The following GALNT11 variants were observed in gnomAD, a reference collection of about 807,000 sequenced individuals.
GALNT11 encodes polypeptide N-acetylgalactosaminyltransferase 11.
A neutral mutation model predicts 72.7 loss-of-function variants in GALNT11; 47 were observed. The observed-to-expected ratio is 0.65, with a 90% CI of 0.51 to 0.82. The LOEUF (loss-of-function observed/expected upper bound fraction) is 0.82. Among genes scored for constraint, GALNT11 ranks in the 40% least tolerant of loss-of-function variants. GALNT11 has a pLI of 0.00. For synonymous variants in GALNT11, 270 were observed against 286.6 expected (o/e 0.94, Z 0.58); for missense variants, 677 against 778.4 (o/e 0.87, Z 1.55).
At chr7:152,032,107 A>G (rs540406078) in intron 1 of GALNT11, among the ~76,000 whole-genome samples, 19 of 152,320 alleles carry the variant, frequency 1.2e-4, no homozygotes, top group African/African-American at 4.6e-4. Flanking sequence ...AGAGATCTAG[A>G]GTAGCCTGCT....
chr7:152,050,425 A>G (rs561484521), intron 1 of GALNT11, among the ~76,000 whole-genome samples: 2 of 152,322 alleles, frequency 1.3e-5, no homozygotes, highest in African/African-American at 4.8e-5. Context: ...TTTGGTGTCC[A>G]GGGTCTGGAA....
rs1322432298 is a variant in GALNT11 at position 152,103,095 on chromosome 7, C to G, written c.420-17C>G. 6.3e-7 allele frequency: 1 copy of G among 1,584,114 alleles called. No individual in the cohort carries two copies. The highest frequency in any genetic ancestry group is 1.7e-5 in the Admixed American group (1 of 59,474). On this transcript the variant is annotated splice_polypyrimidine_tract_variant and intron_variant, in intron 3 of 11. Coordinates refer to ENST00000430044, the MANE Select transcript of GALNT11 (RefSeq NM_022087.4). Reference sequence around the variant, plus strand: ...GCCTTTTAAAATGTCAGAATTTCCTCATCTTTATCTTTACAGATGTAAAGA... The same window carrying G: ...GCCTTTTAAAATGTCAGAATTTCCTGATCTTTATCTTTACAGATGTAAAGA...
At chr7:152,033,701 GT>G (rs1449866880) in intron 1 of GALNT11, among the ~76,000 whole-genome samples, 2 of 152,102 alleles carry the variant, frequency 1.3e-5, no homozygotes, top group Non-Finnish European at 2.9e-5. Flanking sequence ...ATTCTCCTTA[GT>G]CCTTCTAGAA....
chr7:152,045,690 C>A (rs1000376882), intron 1 of GALNT11, among the ~76,000 whole-genome samples: 1 of 151,618 alleles, frequency 6.6e-6, no homozygotes, highest in Non-Finnish European at 1.5e-5. Context: ...CATAGTCTGG[C>A]TAGTGGTTTG....
chr7:152,061,454 G>T (rs1230013509), intron 1 of GALNT11, among the ~76,000 whole-genome samples: 1 of 152,002 alleles, frequency 6.6e-6, no homozygotes, highest in East Asian at 1.9e-4. Context: ...AGTTTCTTTT[G>T]CTGTGCAGAA....
intron 1 of GALNT11, among the ~76,000 whole-genome samples, chr7:152,047,346 C>A (rs565903092): frequency 6.6e-6 from 1 of 152,230 alleles, no homozygotes; most frequent in African/African-American, 2.4e-5. Context: ...TGCCTGTAAT[C>A]CCAGCTACTT....
intron 1 of GALNT11, among the ~76,000 whole-genome samples, chr7:152,080,254 A>G (rs528761810): frequency 2.0e-5 from 3 of 152,330 alleles, no homozygotes; most frequent in Admixed American, 6.5e-5. Context: ...GCTTGTGGCT[A>G]TGGAAATCCC....
chr7:152,099,375 T>A (rs1282154070), intron 2 of GALNT11, among the ~76,000 whole-genome samples: 1 of 146,708 alleles, frequency 6.8e-6, no homozygotes. Context: ...TATTTATTTA[T>A]TTATTTATTT....
intron 1 of GALNT11, chr7:152,074,937 T>C (rs2084866266): frequency 6.6e-6 from 1 of 152,136 alleles, no homozygotes; most frequent in South Asian, 2.1e-4. Flanking sequence ...CTAGCAAAGT[T>C]TTTTTCCCCT....
chr7:152,040,231 A>T (rs536199240), intron 1 of GALNT11, among the ~76,000 whole-genome samples: 1 of 151,844 alleles, frequency 6.6e-6, no homozygotes, highest in Non-Finnish European at 1.5e-5. Flanking sequence ...CCTGATTGGC[A>T]TGTAGCCCAG....
At chr7:152,058,241 G>A (rs2083798750) in intron 1 of GALNT11, among the ~76,000 whole-genome samples, 1 of 152,200 alleles carries the variant, frequency 6.6e-6, no homozygotes, top group Non-Finnish European at 1.5e-5. Flanking sequence ...AGCCTTCAGT[G>A]AGTGGTAATC....
intron 1 of GALNT11, among the ~76,000 whole-genome samples, chr7:152,082,322 G>A: frequency 6.6e-6 from 1 of 152,194 alleles, no homozygotes; most frequent in East Asian, 1.9e-4. Context: ...CCGAACAAAG[G>A]AGACAGGGTC....
At chr7:152,100,265 A>C (rs867474426) in intron 2 of GALNT11, among the ~76,000 whole-genome samples, 1 of 151,688 alleles carries the variant, frequency 6.6e-6, no homozygotes, top group African/African-American at 2.4e-5. Context: ...ATAATAAACT[A>C]TTCTTAAGAT....
At chr7:152,100,531 A>C (rs1236786317) in intron 2 of GALNT11, among the ~76,000 whole-genome samples, 22 of 151,102 alleles carry the variant, frequency 1.5e-4, no homozygotes, top group Non-Finnish European at 7.4e-5. Flanking sequence ...GTGCCACTGC[A>C]CTCCAGCCTG....
intron 1 of GALNT11, among the ~76,000 whole-genome samples, chr7:152,064,201 TA>T (rs769467784): frequency 8.5e-5 from 13 of 152,222 alleles, no homozygotes; most frequent in Non-Finnish European, 1.8e-4. Context: ...TTGATCCCTT[TA>T]CCGTTATGTG....
At chr7:152,097,235 A>G (rs189575150) in intron 2 of GALNT11, among the ~76,000 whole-genome samples, 1 of 152,342 alleles carries the variant, frequency 6.6e-6, no homozygotes, top group East Asian at 1.9e-4. Flanking sequence ...ATGGCCAACA[A>G]GCAGATGAAA....
At position 152,118,777 on chromosome 7, in the gene GALNT11, A is replaced by C. The variant is rs2129076215; in HGVS notation, c.1552A>C (p.Asn518His). The C allele has an allele frequency of 6.2e-7, 1 of 1,602,744 alleles. No individual in the cohort carries two copies. Among genetic ancestry groups the C allele is most frequent in the Non-Finnish European group, 8.5e-7 (1 of 1,176,902 alleles). ...VLKACDYSDP[N>H]QIWIYNEEHE... is the part of the protein sequence containing the mutation. ...TAAGGCCTGTGACTACAGTGACCCA[A>C]ATCAGGTGAGTGACACCTCGGGGCT... The change falls in exon 10 of 12, where the codon AAT (asparagine) becomes CAT (histidine). Residue 518 changes from asparagine to histidine, a missense_variant. By Grantham distance (68) the Asn-to-His change is moderately conservative (BLOSUM62 1). Coordinates refer to ENST00000430044, the MANE Select transcript of GALNT11 (RefSeq NM_022087.4).
intron 1 of GALNT11, among the ~76,000 whole-genome samples, chr7:152,055,076 G>A (rs980562082): frequency 4.6e-5 from 7 of 152,190 alleles, no homozygotes; most frequent in South Asian, 4.1e-4. Flanking sequence ...CAGCGCGGGG[G>A]CAGAATTCCA....
intron 1 of GALNT11, among the ~76,000 whole-genome samples, chr7:152,071,009 A>G (rs769272962): frequency 1.3e-5 from 2 of 152,132 alleles, no homozygotes; most frequent in African/African-American, 2.4e-5. Flanking sequence ...GGTCACAGAC[A>G]TCAAGTACTT....
Sources: gnomAD v4.1 joint callset for allele counts (sites outside exome capture counted in the v4.1 genomes callset) on GRCh38, gnomAD v4.1.1 for gene constraint, MANE v1.5 for transcripts, NCBI Gene and HGNC (gene_info 2026-07-23, HGNC 2026-07-21) for gene names.